CYP7B1: variants seen among roughly 807,000 people sequenced by gnomAD.
CYP7B1 encodes the protein cytochrome P450 family 7 subfamily B member 1.
A neutral mutation model predicts 42.7 loss-of-function variants in CYP7B1; 29 were observed. That is an observed-to-expected ratio of 0.68 (90% CI 0.51 to 0.93). The LOEUF is 0.93. Ranked by LOEUF, CYP7B1 falls within the 40% of genes least tolerant of loss-of-function variation. The pLI is 0.00. For synonymous variants in CYP7B1, 235 were observed against 218.2 expected (o/e 1.08, Z -0.68); for missense variants, 655 against 600.5 (o/e 1.09, Z -0.95).
In CYP7B1 at chr8:64,592,949, G is replaced by A. The variant is rs1490821264; in HGVS notation, c.*3693C>T. Among the ~76,000 whole-genome samples the A allele has an allele frequency of 6.6e-6, 1 of 152,158 alleles. No individual in the cohort carries two copies. Among genetic ancestry groups the A allele is most frequent in the East Asian group, 1.9e-4 (1 of 5,176 alleles). On this transcript the variant is annotated 3_prime_UTR_variant, in exon 6 of 6. Coordinates refer to ENST00000310193, the MANE Select transcript of CYP7B1 (RefSeq NM_004820.5). The stretch of plus-strand genomic sequence containing the variant: ...ACTGTCACAAGATTCTCAATGTTTT[G>A]TTTTGGTTCTACTATTCATTCCTTT...
intron 1 of CYP7B1, among the ~76,000 whole-genome samples, chr8:64,664,165 G>A (rs1304371308): frequency 1.3e-5 from 2 of 152,140 alleles, no homozygotes; most frequent in African/African-American, 4.8e-5. Flanking sequence ...GGATGTAAGG[G>A]TGCATGGGTG....
chr8:64,789,088 C>T (rs4737683), intron 1 of CYP7B1, among the ~76,000 whole-genome samples: 47,291 of 151,734 alleles, frequency 0.31, 10,163 homozygotes, highest in African/African-American at 0.61. Flanking sequence ...GCCCAGCTAA[C>T]GTTTTTTATT....
chr8:64,715,727 G>C (rs1487588526), intron 1 of CYP7B1, among the ~76,000 whole-genome samples: 1 of 152,124 alleles, frequency 6.6e-6, no homozygotes, highest in Non-Finnish European at 1.5e-5. Flanking sequence ...CCCAAAAGAG[G>C]GAAACGTAGA....
At chr8:64,601,929 A>AATCACTTCTTTATTTG (rs1335569940) in intron 5 of CYP7B1, among the ~76,000 whole-genome samples, 1 of 152,190 alleles carries the variant, frequency 6.6e-6, no homozygotes, top group African/African-American at 2.4e-5. Flanking sequence ...TTTATACACA[A>AATCACTTCTTTATTTG]ATCACTTCTT....
intron 4 of CYP7B1, 81 bp downstream of exon 4, chr8:64,614,945 T>C (rs1805411066): frequency 7.2e-7 from 1 of 1,379,524 alleles, no homozygotes; most frequent in African/African-American, 1.4e-5. Flanking sequence ...GTCCTCTACC[T>C]CTTGGTAAAC....
intron 1 of CYP7B1, among the ~76,000 whole-genome samples, chr8:64,647,884 C>T (rs376618227): frequency 7.2e-5 from 11 of 152,070 alleles, no homozygotes; most frequent in Non-Finnish European, 1.5e-4. Context: ...TAGCCATGGC[C>T]CAGTCAAGTT....
In CYP7B1 at chr8:64,594,308, T is replaced by C. The variant is rs1053431623; in HGVS notation, c.*2334A>G. The stretch of plus-strand genomic sequence containing the variant: ...AAACATAATGTGTGCACATTATGGA[T>C]TGCTGTGCAGCAGTTAGAAGCAATA... On this transcript the variant is annotated 3_prime_UTR_variant, in exon 6 of 6. Transcript: ENST00000310193. 6.6e-6 allele frequency among the ~76,000 whole-genome samples: 1 copy of C among 152,206 alleles called. No homozygotes were observed. Among genetic ancestry groups the C allele is most frequent in the Non-Finnish European group, 1.5e-5 (1 of 68,040 alleles).
At chr8:64,730,982 C>G (rs897986309) in intron 1 of CYP7B1, among the ~76,000 whole-genome samples, 1 of 152,184 alleles carries the variant, frequency 6.6e-6, no homozygotes, top group African/African-American at 2.4e-5. Context: ...CCTCCTCACT[C>G]TGCACTTCTC....
intron 1 of CYP7B1, among the ~76,000 whole-genome samples, chr8:64,656,376 C>T (rs557796502): frequency 3.3e-4 from 51 of 152,300 alleles, no homozygotes; most frequent in Non-Finnish European, 6.3e-4. Flanking sequence ...TGGTCTTTGA[C>T]TTACTGAAGC....
At chr8:64,589,653 G>T (rs1365256576), downstream of CYP7B1, 3 of 152,182 alleles carry the variant, frequency 2.0e-5, no homozygotes, top group East Asian at 5.8e-4. Flanking sequence ...AGATTTTTTG[G>T]TAACTACGAT....
Position 64,798,610 on chromosome 8 carries a change from G to A in CYP7B1, c.-23C>T, listed in dbSNP as rs1366297944. ...CATCCGGCGCGCGCTAGGCCGCGGT[G>A]GGCAGCCCGGGGTCTGCCTGCGAAC... On this transcript the variant is annotated 5_prime_UTR_variant, in exon 1 of 6. Transcript: ENST00000310193. 1 of 1,450,716 alleles carries A rather than the reference G, an allele frequency of 6.9e-7. No individual in the cohort carries two copies. 89.9% of individuals were successfully genotyped at this position (1,450,716 alleles called of 1,614,324 possible).
At chr8:64,786,965 C>T (rs887508202) in intron 1 of CYP7B1, among the ~76,000 whole-genome samples, 5 of 152,232 alleles carry the variant, frequency 3.3e-5, no homozygotes, top group African/African-American at 1.2e-4. Flanking sequence ...GAAGCAATGG[C>T]CCTAGCTGTG....
At chr8:64,601,100 A>T (rs1330049178) in intron 5 of CYP7B1, among the ~76,000 whole-genome samples, 2 of 152,238 alleles carry the variant, frequency 1.3e-5, no homozygotes. Flanking sequence ...TGTCATTCTA[A>T]GAACAGTGGC....
chr8:64,667,731 T>C (rs1365183731), intron 1 of CYP7B1, among the ~76,000 whole-genome samples: 2 of 152,188 alleles, frequency 1.3e-5, no homozygotes, highest in African/African-American at 2.4e-5. Context: ...ATATCTGTGA[T>C]GGGAAAAACC....
chr8:64,614,973 C>G (rs1281269849), intron 4 of CYP7B1, 53 bp downstream of exon 4: 8 of 1,585,542 alleles, frequency 5.0e-6, no homozygotes, highest in African/African-American at 1.3e-5. Flanking sequence ...AGTGATAAAC[C>G]GAGTTTGCAG....
chr8:64,639,102 T>C (rs915659777), intron 1 of CYP7B1, among the ~76,000 whole-genome samples: 4 of 152,060 alleles, frequency 2.6e-5, no homozygotes, highest in African/African-American at 9.7e-5. Flanking sequence ...AGGTGTTTTT[T>C]TTCCTTCTCT....
Position 64,608,492 on chromosome 8 carries a change from T to A in CYP7B1, c.1058-3635A>T, listed in dbSNP as rs77144304. Among the ~76,000 whole-genome samples, 47 of 152,330 alleles carry A rather than the reference T, an allele frequency of 3.1e-4. 1 individual carries two copies. In the East Asian group the frequency reaches 8.1e-3, roughly 26 times the overall value. On this transcript the variant is annotated intron_variant, in intron 4 of 5. Coordinates refer to ENST00000310193, the MANE Select transcript of CYP7B1 (RefSeq NM_004820.5). ...TGGTGCAGGCTGGCATGCCATTTGATTAGCCATGGTGATCAGAGGATAGCA... is the reference window on the plus strand; with the variant it reads ...TGGTGCAGGCTGGCATGCCATTTGAATAGCCATGGTGATCAGAGGATAGCA...
intron 1 of CYP7B1, among the ~76,000 whole-genome samples, chr8:64,708,376 A>G (rs1807030403): frequency 6.6e-6 from 1 of 152,168 alleles, no homozygotes; most frequent in South Asian, 2.1e-4. Context: ...CAATCAGCCA[A>G]TATGTCACCA....
intron 1 of CYP7B1, among the ~76,000 whole-genome samples, chr8:64,714,775 G>A (rs1257088819): frequency 7.2e-6 from 1 of 138,554 alleles, no homozygotes; most frequent in Non-Finnish European, 1.5e-5. Context: ...CACAATGATG[G>A]TGAGATTTTT....
Sources: gnomAD v4.1 joint callset for allele counts (sites outside exome capture counted in the v4.1 genomes callset) on GRCh38, gnomAD v4.1.1 for gene constraint, MANE v1.5 for transcripts, NCBI Gene and HGNC (gene_info 2026-07-23, HGNC 2026-07-21) for gene names.